Variants in DACH2 observed in about 807,000 individuals in gnomAD.
The protein encoded by DACH2 is dachshund family transcription factor 2.
In DACH2, 17 loss-of-function variants were observed where a neutral mutation model predicts 35.8. The ratio of observed to expected loss-of-function variants is 0.48; its 90% CI spans 0.33 to 0.71. The LOEUF is 0.71. Ranked by LOEUF, DACH2 falls within the 30% of genes least tolerant of loss-of-function variation. DACH2 has a pLI of 0.02. For synonymous variants in DACH2, 195 were observed against 177.3 expected, an observed-to-expected ratio of 1.10 and a Z score of -0.79; for missense variants, 469 against 472.7, an observed-to-expected ratio of 0.99 and a Z score of 0.07.
intron 7 of DACH2, among the ~76,000 whole-genome samples, chrX:86,792,343 C>A (rs2042194157): frequency 8.9e-6 from 1 of 111,867 alleles, no homozygotes; most frequent in Admixed American, 9.5e-5. Context: ...GTATTCATCA[C>A]CTCTGGCATT....
intron 2 of DACH2, among the ~76,000 whole-genome samples, chrX:86,409,007 A>T (rs2148141254): frequency 8.9e-6 from 1 of 111,894 alleles, no homozygotes; most frequent in South Asian, 3.7e-4. Context: ...CAGGTCCTTC[A>T]AGAGCCTACC....
chrX:86,237,544 G>C (rs1569312086), intron 1 of DACH2, among the ~76,000 whole-genome samples: 1 of 111,344 alleles, frequency 9.0e-6, no homozygotes, highest in East Asian at 2.8e-4. Flanking sequence ...AAACCTCTGT[G>C]TCTGGTGGCG....
chrX:86,711,667 G>A (rs1260214067), intron 5 of DACH2, among the ~76,000 whole-genome samples: 1 of 111,798 alleles, frequency 8.9e-6, no homozygotes, highest in African/African-American at 3.2e-5. Flanking sequence ...ATTTGCGTAT[G>A]CTTTGCATGG....
At chrX:86,535,920 C>T (rs2148293544) in intron 3 of DACH2, among the ~76,000 whole-genome samples, 1 of 111,355 alleles carries the variant, frequency 9.0e-6, no homozygotes. Flanking sequence ...GGAATTGCAA[C>T]TTAAGTTTTA....
intron 1 of DACH2, among the ~76,000 whole-genome samples, chrX:86,172,891 T>A (rs1422827880): frequency 3.6e-5 from 4 of 111,873 alleles, no homozygotes; most frequent in Non-Finnish European, 5.6e-5. Context: ...CAATTCCACA[T>A]GCATTTACAG....
intron 4 of DACH2, among the ~76,000 whole-genome samples, chrX:86,690,248 T>C (rs2040994365): frequency 8.9e-6 from 1 of 111,957 alleles, no homozygotes; most frequent in Non-Finnish European, 1.9e-5. Flanking sequence ...TGTTTTAGCT[T>C]GTAGGCTTAT....
chrX:86,298,997 A>T (rs1321545049), intron 1 of DACH2, among the ~76,000 whole-genome samples: 3 of 112,171 alleles, frequency 2.7e-5, no homozygotes, highest in African/African-American at 9.7e-5. Flanking sequence ...ATGTAATCAA[A>T]GTATTGTCTT....
At chrX:86,279,031 C>T (rs1299580338) in intron 1 of DACH2, among the ~76,000 whole-genome samples, 2 of 111,942 alleles carry the variant, frequency 1.8e-5, no homozygotes, top group South Asian at 3.7e-4. Flanking sequence ...AAAATAAAGG[C>T]ATCAGCTCCA....
At chrX:86,249,894 C>A (rs921764653) in intron 1 of DACH2, among the ~76,000 whole-genome samples, 4 of 111,408 alleles carry the variant, frequency 3.6e-5, no homozygotes, top group African/African-American at 1.3e-4. Context: ...AGATCATGTC[C>A]TTTTCAGCAA....
chrX:86,349,945 C>A (rs184805748), intron 1 of DACH2, among the ~76,000 whole-genome samples: 1 of 111,654 alleles, frequency 9.0e-6, no homozygotes, highest in African/African-American at 3.3e-5. Flanking sequence ...GTGGGCTGAT[C>A]ACTTGAGGTC....
intron 1 of DACH2, among the ~76,000 whole-genome samples, chrX:86,180,613 C>T (rs977977583): frequency 1.8e-5 from 2 of 110,684 alleles, no homozygotes; most frequent in African/African-American, 6.6e-5. Flanking sequence ...TGGTTCAGGC[C>T]ACTAAGAAGA....
chrX:86,323,149 G>A (rs2035048013), intron 1 of DACH2, among the ~76,000 whole-genome samples: 1 of 112,352 alleles, frequency 8.9e-6, no homozygotes, highest in Non-Finnish European at 1.9e-5. Flanking sequence ...GCCTCCATAT[G>A]CTCTCTAAAC....
chrX:86,610,427 T>TTTCC (rs2039927667), intron 3 of DACH2, among the ~76,000 whole-genome samples: 3 of 88,472 alleles, frequency 3.4e-5, no homozygotes, highest in Non-Finnish European at 6.3e-5. Context: ...CTTTTCTTTC[T>TTTCC]TTCTTTCTTT....
At chrX:86,571,571 A>G (rs1360228241) in intron 3 of DACH2, among the ~76,000 whole-genome samples, 2 of 110,298 alleles carry the variant, frequency 1.8e-5, no homozygotes, top group Non-Finnish European at 1.9e-5. Context: ...CAAACACCGC[A>G]TGTTCTCACT....
intron 3 of DACH2, among the ~76,000 whole-genome samples, chrX:86,582,886 C>G (rs940040672): frequency 9.1e-6 from 1 of 110,464 alleles, no homozygotes; most frequent in East Asian, 2.8e-4. Flanking sequence ...CACGCTGATG[C>G]CAAAACCTGG....
intron 1 of DACH2, among the ~76,000 whole-genome samples, chrX:86,276,970 C>T (rs1163129827): frequency 1.8e-5 from 2 of 111,331 alleles, no homozygotes; most frequent in Non-Finnish European, 1.9e-5. Context: ...AATGAGATTC[C>T]TTCAGTTTTG....
intron 2 of DACH2, among the ~76,000 whole-genome samples, chrX:86,506,992 C>G (rs1393078269): frequency 1.8e-5 from 2 of 111,540 alleles, no homozygotes; most frequent in Non-Finnish European, 3.8e-5. Context: ...TACGATTGTT[C>G]AAGGTGCTTT....
chrX:86,587,415 G>T (rs946967131), intron 3 of DACH2, among the ~76,000 whole-genome samples: 3 of 111,177 alleles, frequency 2.7e-5, no homozygotes, highest in African/African-American at 9.8e-5. Context: ...TCTTTCTTCT[G>T]CCTGATTGCT....
intron 4 of DACH2, among the ~76,000 whole-genome samples, chrX:86,659,067 C>T (rs1042909686): frequency 1.8e-5 from 2 of 111,076 alleles, no homozygotes; most frequent in East Asian, 2.8e-4. Flanking sequence ...CCCAAGATTG[C>T]CTTCTTTCTT....
Sources: gnomAD v4.1 joint callset for allele counts (sites outside exome capture counted in the v4.1 genomes callset) on GRCh38, gnomAD v4.1.1 for gene constraint, MANE v1.5 for transcripts, NCBI Gene and HGNC (gene_info 2026-07-23, HGNC 2026-07-21) for gene names.